Variants in RUNDC3B observed in about 807,000 individuals in gnomAD.
RUNDC3B encodes the protein RUN domain-containing protein 3B.
Under a neutral mutation model 58.4 loss-of-function variants are expected in RUNDC3B, and 33 were observed. That is an observed-to-expected ratio of 0.56 (90% CI 0.43 to 0.75). The LOEUF is 0.75. Ranked by LOEUF, RUNDC3B falls within the 30% of genes least tolerant of loss-of-function variation. The pLI is 0.00. For synonymous variants in RUNDC3B, 193 were observed against 195.2 expected, an observed-to-expected ratio of 0.99 and a Z score of 0.10; for missense variants, 501 against 535.7, an observed-to-expected ratio of 0.94 and a Z score of 0.64.
chr7:87,817,316 A>G (rs990755320), intron 10 of RUNDC3B, among the ~76,000 whole-genome samples: 1 of 152,204 alleles, frequency 6.6e-6, no homozygotes, highest in Non-Finnish European at 1.5e-5. Flanking sequence ...GCCCCCTCAC[A>G]GTCCATTCTC....
chr7:87,791,029 T>C (rs968378492), intron 8 of RUNDC3B, among the ~76,000 whole-genome samples: 1 of 152,090 alleles, frequency 6.6e-6, no homozygotes, highest in African/African-American at 2.4e-5. Flanking sequence ...GAAGACTACC[T>C]TGAAGCATTT....
intron 5 of RUNDC3B, among the ~76,000 whole-genome samples, chr7:87,740,911 T>TA (rs936503080): frequency 4.0e-5 from 6 of 151,778 alleles, no homozygotes; most frequent in African/African-American, 9.7e-5. Context: ...TTTATTGTTT[T>TA]AAAAAAAACA....
chr7:87,817,339 A>G (rs1837103251), intron 10 of RUNDC3B, among the ~76,000 whole-genome samples: 1 of 152,212 alleles, frequency 6.6e-6, no homozygotes, highest in African/African-American at 2.4e-5. Context: ...TGTAGCAATC[A>G]GTGACCTTTA....
At chr7:87,809,917 T>G (rs1249833278) in intron 9 of RUNDC3B, among the ~76,000 whole-genome samples, 1 of 152,180 alleles carries the variant, frequency 6.6e-6, no homozygotes, top group South Asian at 2.1e-4. Context: ...GACCAATACC[T>G]TAAGTAAGTT....
At chr7:87,817,985 C>T (rs539530433) in intron 10 of RUNDC3B, among the ~76,000 whole-genome samples, 3 of 152,090 alleles carry the variant, frequency 2.0e-5, no homozygotes, top group Non-Finnish European at 4.4e-5. Context: ...TTTCTGCTTT[C>T]TTTAAGTTGG....
Position 87,823,717 on chromosome 7 carries a change from A to G in RUNDC3B, c.1226-6168A>G, listed in dbSNP as rs1025266972. 4.0e-5 allele frequency among the ~76,000 whole-genome samples: 6 copies of G among 151,820 alleles called. No individual in the cohort carries two copies. The South Asian group carries it at 6.2e-4, about 16-fold the overall frequency. On this transcript the variant is annotated intron_variant, in intron 10 of 10. Transcript: ENST00000394654. Reference sequence around the variant, plus strand: ...ACTTCAGTTAGAATAATAGTCTCTAATCTCATCCAGGTTGCTGTAAATGCC... The same window carrying G: ...ACTTCAGTTAGAATAATAGTCTCTAGTCTCATCCAGGTTGCTGTAAATGCC...
chr7:87,808,106 C>A (rs1337954166), intron 9 of RUNDC3B, among the ~76,000 whole-genome samples: 1 of 152,026 alleles, frequency 6.6e-6, no homozygotes, highest in Non-Finnish European at 1.5e-5. Flanking sequence ...GTTGTATTAT[C>A]CTCTTTTGGC....
At chr7:87,764,534 G>T (rs1193468221) in intron 6 of RUNDC3B, among the ~76,000 whole-genome samples, 2 of 151,668 alleles carry the variant, frequency 1.3e-5, no homozygotes, top group African/African-American at 4.8e-5. Context: ...GTACCCAATA[G>T]GTAATTATAT....
chr7:87,660,526 C>T lies in RUNDC3B; in HGVS notation c.238+9589C>T, dbSNP rs182689928. On this transcript the variant is annotated intron_variant, in intron 2 of 10. Transcript: ENST00000394654. ...TAGTTCTTTGTTTTTATTTTATGAT[C>T]GTTAGTTCCTTTTTCTTTTTTTCTT... 2.0e-4 allele frequency among the ~76,000 whole-genome samples: 31 copies of T among 151,992 alleles called. No homozygotes were observed. The East Asian group carries it at 3.3e-3, about 16-fold the overall frequency.
chr7:87,728,609 G>C (rs1355055099), intron 4 of RUNDC3B, among the ~76,000 whole-genome samples: 1 of 152,094 alleles, frequency 6.6e-6, no homozygotes, highest in Admixed American at 6.6e-5. Flanking sequence ...TCTTCTCTGA[G>C]GCTGATCCTC....
At chr7:87,639,865 A>G (rs1175343301) in intron 1 of RUNDC3B, among the ~76,000 whole-genome samples, 2 of 151,902 alleles carry the variant, frequency 1.3e-5, no homozygotes, top group African/African-American at 4.8e-5. Flanking sequence ...TTAATTATTT[A>G]GCCCATTTTA....
intron 4 of RUNDC3B, among the ~76,000 whole-genome samples, chr7:87,713,533 A>C (rs1452653346): frequency 2.0e-5 from 3 of 152,096 alleles, no homozygotes; most frequent in African/African-American, 7.2e-5. Context: ...CAGTTGAAAA[A>C]ACAAACAAAA....
chr7:87,822,283 A>G (rs1329555488), intron 10 of RUNDC3B, among the ~76,000 whole-genome samples: 1 of 152,252 alleles, frequency 6.6e-6, no homozygotes, highest in Non-Finnish European at 1.5e-5. Flanking sequence ...AAACACATGA[A>G]AAAATGCTCA....
At chr7:87,779,030 A>G (rs961151) in intron 8 of RUNDC3B, among the ~76,000 whole-genome samples, 7,427 of 152,124 alleles carry the variant, frequency 0.049, 266 homozygotes, top group East Asian at 0.11. Context: ...AAACACACAT[A>G]CATTTTTTAA....
chr7:87,631,615 G>T (rs1320138920), intron 1 of RUNDC3B, among the ~76,000 whole-genome samples: 1 of 152,130 alleles, frequency 6.6e-6, no homozygotes, highest in African/African-American at 2.4e-5. Flanking sequence ...GGATGGTCTC[G>T]ATCTGCTGAC....
intron 4 of RUNDC3B, among the ~76,000 whole-genome samples, chr7:87,728,614 A>T (rs1456306385): frequency 6.6e-6 from 1 of 152,130 alleles, no homozygotes; most frequent in East Asian, 1.9e-4. Flanking sequence ...TCTGAGGCTG[A>T]TCCTCTCACT....
chr7:87,756,677 A>C (rs954336069), intron 6 of RUNDC3B, among the ~76,000 whole-genome samples: 4 of 152,086 alleles, frequency 2.6e-5, no homozygotes, highest in Non-Finnish European at 5.9e-5. Context: ...ATATTCCATC[A>C]ATTTTAAGAT....
chr7:87,814,746 C>A (rs977585411), intron 9 of RUNDC3B, among the ~76,000 whole-genome samples: 14 of 151,962 alleles, frequency 9.2e-5, no homozygotes, highest in Non-Finnish European at 1.0e-4. Flanking sequence ...GTAGAATTTT[C>A]TGGTAGTTAA....
intron 4 of RUNDC3B, 95 bp downstream of exon 4, chr7:87,710,750 C>T (rs1008298205): frequency 3.2e-5 from 20 of 626,152 alleles, no homozygotes; most frequent in Non-Finnish European, 5.1e-5. Context: ...TTCTAAAATC[C>T]TCAACTGTTT....
Sources: allele counts gnomAD v4.1 joint callset (sites outside exome capture counted in the v4.1 genomes callset), GRCh38; gene constraint gnomAD v4.1.1; transcripts MANE v1.5; gene names NCBI Gene and HGNC (gene_info 2026-07-23, HGNC 2026-07-21).